KDM4B: variants seen among roughly 807,000 people sequenced by gnomAD.
The protein encoded by KDM4B is lysine demethylase 4B.
In KDM4B, 32 loss-of-function variants were observed where a neutral mutation model predicts 125.2. The ratio of observed to expected loss-of-function variants is 0.26; its 90% CI spans 0.19 to 0.34. KDM4B has a LOEUF of 0.34. Ranked by LOEUF, KDM4B falls within the 10% of genes least tolerant of loss-of-function variation. The pLI is 1.00. For missense variants in KDM4B, 1,190 were observed against 1,577.7 expected, an observed-to-expected ratio of 0.75 and a Z score of 4.16; for synonymous variants, 721 against 677.9, an observed-to-expected ratio of 1.06 and a Z score of -0.99.
At chr19:5,009,027 G>A (rs1363793172) in intron 1 of KDM4B, among the ~76,000 whole-genome samples, 1 of 149,820 alleles carries the variant, frequency 6.7e-6, no homozygotes, top group African/African-American at 2.5e-5. Flanking sequence ...TAATTCTCCT[G>A]CCTCAGCTTC....
Position 5,108,138 on chromosome 19 carries a change from T to TC in KDM4B, c.919-2478dup, listed in dbSNP as rs572440364. Among the ~76,000 whole-genome samples, 214 of 152,184 alleles carry TC rather than the reference T, an allele frequency of 1.4e-3. 2 individuals carry two copies. Among genetic ancestry groups the TC allele is most frequent in the African/African-American group, 4.6e-3 (189 of 41,524 alleles). ...GCACTCCGTGGAGCGTGTCTGCCTGTCCCCCCTCCACGGGTGCACACAGGT... is the reference window on the plus strand; with the variant it reads ...GCACTCCGTGGAGCGTGTCTGCCTGTCCCCCCCTCCACGGGTGCACACAGGT... On this transcript the variant is annotated intron_variant, in intron 9 of 22. Transcript: ENST00000159111.
rs984724468 is a variant in KDM4B at position 5,028,732 on chromosome 19, C to T, written c.-25-4134C>T. ...GCCCCAATTTCTCCACATCCCTGCC[C>T]ACAGTGTCACCGTCTGTCATTCTGA... On this transcript the variant is annotated intron_variant, in intron 2 of 22. Transcript: ENST00000159111. 3.3e-5 allele frequency among the ~76,000 whole-genome samples: 5 copies of T among 152,146 alleles called. No homozygotes were observed. The East Asian group carries it at 9.6e-4, about 29-fold the overall frequency.
Position 5,043,623 on chromosome 19 carries a change from A to G in KDM4B, c.432+2372A>G, listed in dbSNP as rs866772480. On this transcript the variant is annotated intron_variant, in intron 5 of 22. Coordinates refer to ENST00000159111, the MANE Select transcript of KDM4B (RefSeq NM_015015.3). ...CACCATATCCTGCGTGGGGTTTATC[A>G]GAGTGGGGTGTCCACCATATCCTGC... Among the ~76,000 whole-genome samples, 575 of 61,664 alleles carry G rather than the reference A, an allele frequency of 9.3e-3. 8 individuals are homozygous for G. Among genetic ancestry groups the G allele is most frequent in the African/African-American group, 0.017 (254 of 14,772 alleles). The allele number at this position is 61,664 out of a possible 152,430, so 40.5% of individuals were successfully genotyped here.
chr19:4,969,257 C>T (rs533272472), intron 1 of KDM4B, 27 bp downstream of exon 1: 1 of 147,156 alleles, frequency 6.8e-6, no homozygotes, highest in Non-Finnish European at 1.5e-5. Context: ...GCCGCCCGGC[C>T]GTGTCCGAGC....
intron 4 of KDM4B, among the ~76,000 whole-genome samples, chr19:5,040,807 C>T (rs1326283895): frequency 3.9e-5 from 6 of 152,184 alleles, no homozygotes; most frequent in African/African-American, 1.2e-4. Flanking sequence ...CCTAGTCTGT[C>T]GTCTGAGCTC....
intron 8 of KDM4B, chr19:5,080,957 C>G (rs1320890056): frequency 6.6e-6 from 1 of 152,182 alleles, no homozygotes; most frequent in Non-Finnish European, 1.5e-5. Flanking sequence ...GTGTCCCTGC[C>G]GTACAACGCC....
rs545853394 is a variant in KDM4B at position 5,142,000 on chromosome 19, G to A, written c.2551-1967G>A. Among the ~76,000 whole-genome samples the A allele has an allele frequency of 2.0e-5, 3 of 152,310 alleles. No individual in the cohort carries two copies. Among genetic ancestry groups the A allele is most frequent in the African/African-American group, 4.8e-5 (2 of 41,562 alleles). On this transcript the variant is annotated intron_variant, in intron 18 of 22. Transcript: ENST00000159111. The surrounding 1 kb of genome is among the most constrained non-coding windows in gnomAD (Gnocchi z 6.4). Reference sequence around the variant, plus strand: ...CTCCTCAGGGGTTGGGGTTGTTTGCGAAAGCAGGTTGGTGGACAGCCACTG... The same window carrying A: ...CTCCTCAGGGGTTGGGGTTGTTTGCAAAAGCAGGTTGGTGGACAGCCACTG...
At chr19:5,150,184 G>T (rs969098602) in intron 21 of KDM4B, among the ~76,000 whole-genome samples, 174 bp from the exon 22 acceptor site, 7 of 152,226 alleles carry the variant, frequency 4.6e-5, no homozygotes, top group Non-Finnish European at 1.0e-4. Flanking sequence ...CCTGATCCTT[G>T]TTTGCTGCAG....
intron 9 of KDM4B, among the ~76,000 whole-genome samples, chr19:5,090,381 CATATCTCTCCCCCTCTCT>C (rs2038654742): frequency 1.2e-5 from 1 of 81,328 alleles, no homozygotes; most frequent in African/African-American, 5.4e-5. Flanking sequence ...TCTCTCCCCC[CATATCTCTCCCCCTCTCT>C]CTCTCTCTCC....
At chr19:5,036,226 T>C (rs2036622456) in intron 3 of KDM4B, among the ~76,000 whole-genome samples, 1 of 152,216 alleles carries the variant, frequency 6.6e-6, no homozygotes, top group African/African-American at 2.4e-5. Context: ...CATGTATGTG[T>C]GTGGTGGGGG....
intron 5 of KDM4B, among the ~76,000 whole-genome samples, chr19:5,045,516 G>C (rs1343714637): frequency 1.3e-5 from 2 of 151,350 alleles, no homozygotes; most frequent in East Asian, 3.9e-4. Context: ...TTCCCAAGTA[G>C]CTGGGATTAC....
chr19:5,071,801 C>T (rs2037956383), intron 7 of KDM4B, among the ~76,000 whole-genome samples: 1 of 152,204 alleles, frequency 6.6e-6, no homozygotes, highest in African/African-American at 2.4e-5. Context: ...CACAGCACAA[C>T]AGGGGTGCAA....
intron 11 of KDM4B, among the ~76,000 whole-genome samples, chr19:5,124,373 G>C (rs1349138471): frequency 6.6e-6 from 1 of 152,214 alleles, no homozygotes. Flanking sequence ...AAGTGGCCCA[G>C]TCCTGGGAAG....
chr19:5,144,941 A>G (rs2039815528), intron 21 of KDM4B, 39 bp downstream of exon 21: 1 of 1,611,168 alleles, frequency 6.2e-7, no homozygotes. Context: ...TGCCTTCACC[A>G]AGCTCTTCTT....
chr19:4,975,592 A>AGT (rs2034416639), intron 1 of KDM4B, among the ~76,000 whole-genome samples: 1 of 123,514 alleles, frequency 8.1e-6, no homozygotes, highest in Non-Finnish European at 1.7e-5. Flanking sequence ...TGAGTGAATG[A>AGT]ATTTTTTTTT....
chr19:5,113,720 G>C (rs963046645), intron 10 of KDM4B, among the ~76,000 whole-genome samples: 5 of 152,148 alleles, frequency 3.3e-5, no homozygotes, highest in African/African-American at 1.2e-4. Flanking sequence ...AGTGCCCCAA[G>C]TCGTGACAAC....
intron 9 of KDM4B, among the ~76,000 whole-genome samples, chr19:5,094,896 G>A (rs1179547198): frequency 2.6e-5 from 4 of 152,212 alleles, no homozygotes; most frequent in African/African-American, 7.2e-5. Context: ...GTCCTGGGCA[G>A]CGCAGGTGCA....
intron 6 of KDM4B, among the ~76,000 whole-genome samples, chr19:5,060,316 G>C (rs1016961713): frequency 2.0e-5 from 3 of 151,818 alleles, no homozygotes; most frequent in African/African-American, 4.8e-5. Flanking sequence ...GTGGGTGCCT[G>C]TAGTCCCAGC....
At chr19:5,105,066 A>T (rs759995) in intron 9 of KDM4B, among the ~76,000 whole-genome samples, 1 of 152,208 alleles carries the variant, frequency 6.6e-6, no homozygotes, top group African/African-American at 2.4e-5. Flanking sequence ...CTGAGGTGCA[A>T]ATGGCCCCGC....
Sources: allele counts gnomAD v4.1 joint callset (sites outside exome capture counted in the v4.1 genomes callset), GRCh38; gene constraint gnomAD v4.1.1; non-coding constraint Gnocchi (gnomAD v3.1); transcripts MANE v1.5; gene names NCBI Gene and HGNC (gene_info 2026-07-23, HGNC 2026-07-21).